The following ADGRG6 variants were observed in gnomAD, a reference collection of about 807,000 sequenced individuals.
ADGRG6 encodes the protein adhesion G protein-coupled receptor G6, also known as G-protein coupled receptor 126.
ADGRG6 carries 84 observed loss-of-function variants against 142.4 expected under a neutral mutation model. The observed-to-expected ratio is 0.59, with a 90% CI of 0.49 to 0.71. The LOEUF is 0.71. Among genes scored for constraint, ADGRG6 ranks in the 30% least tolerant of loss-of-function variants. The pLI is 0.00. For missense variants in ADGRG6, 1,367 were observed against 1,466.6 expected (o/e 0.93, Z 1.11); for synonymous variants, 521 against 520.5 (o/e 1.00, Z -0.01).
chr6:142,401,752 G>A (rs1252196754), intron 11 of ADGRG6, among the ~76,000 whole-genome samples: 1 of 152,000 alleles, frequency 6.6e-6, no homozygotes, highest in Non-Finnish European at 1.5e-5. Flanking sequence ...GAGAATTTGG[G>A]AACATTGTAT....
intron 11 of ADGRG6, 47 bp downstream of exon 11, chr6:142,400,643 C>G: frequency 1.1e-6 from 1 of 951,830 alleles, no homozygotes; most frequent in Non-Finnish European, 1.7e-6. Flanking sequence ...TGTTATCAGC[C>G]TTCCCAGGGT....
At chr6:142,357,127 T>G (rs1324537058) in intron 2 of ADGRG6, among the ~76,000 whole-genome samples, 5 of 152,186 alleles carry the variant, frequency 3.3e-5, no homozygotes, top group African/African-American at 1.2e-4. Context: ...TAAAATATCT[T>G]TTTTTAGCTA....
intron 2 of ADGRG6, among the ~76,000 whole-genome samples, chr6:142,338,903 C>T (rs1209338636): frequency 6.6e-6 from 1 of 152,154 alleles, no homozygotes; most frequent in Non-Finnish European, 1.5e-5. Flanking sequence ...ACTTTTCTTT[C>T]AATAGCTAAC....
chr6:142,347,416 G>A (rs1779959623), intron 2 of ADGRG6, among the ~76,000 whole-genome samples: 1 of 152,138 alleles, frequency 6.6e-6, no homozygotes. Context: ...ATATTTCAGA[G>A]GAACCGGAAG....
At chr6:142,380,519 A>G (rs956200087) in intron 4 of ADGRG6, among the ~76,000 whole-genome samples, 1 of 152,162 alleles carries the variant, frequency 6.6e-6, no homozygotes, top group Non-Finnish European at 1.5e-5. Context: ...TTGTTTGTGT[A>G]TCTGATCATC....
intron 2 of ADGRG6, among the ~76,000 whole-genome samples, chr6:142,334,898 G>A (rs1779239608): frequency 6.6e-6 from 1 of 152,044 alleles, no homozygotes; most frequent in Non-Finnish European, 1.5e-5. Context: ...TATGTTAGAG[G>A]GAAATAAACA....
At chr6:142,440,903 T>C in intron 24 of ADGRG6, 1 of 1,414,674 alleles carries the variant, frequency 7.1e-7, no homozygotes, top group Non-Finnish European at 9.6e-7. Context: ...ATGTTTATGG[T>C]ATAGATAATG....
chr6:142,402,909 T>C, intron 13 of ADGRG6, 79 bp downstream of exon 13: 6 of 737,840 alleles, frequency 8.1e-6, no homozygotes, highest in South Asian at 2.0e-5. Context: ...CTGAATACTT[T>C]GTGCCCAGAT....
At chr6:142,331,602 T>C (rs758449093) in intron 2 of ADGRG6, among the ~76,000 whole-genome samples, 61 of 152,338 alleles carry the variant, frequency 4.0e-4, no homozygotes, top group Non-Finnish European at 7.5e-4. Context: ...AGTCCTGAAA[T>C]GCAGTGTTAT....
At position 142,348,464 on chromosome 6, in the gene ADGRG6, C is replaced by T. The variant is rs958504584; in HGVS notation, c.104-19105C>T. 2.0e-4 allele frequency among the ~76,000 whole-genome samples: 31 copies of T among 152,046 alleles called. 3 individuals carry two copies. The highest frequency in any genetic ancestry group is 1.0e-3 in the South Asian group (5 of 4,828). The stretch of plus-strand genomic sequence containing the variant: ...AACAAAAATTTTGTTTTCTAATTCC[C>T]TACATTATTAAAAAGTATCCCTCCT... On this transcript the variant is annotated intron_variant, in intron 2 of 24. Transcript: ENST00000367609.
Position 142,423,613 on chromosome 6 carries a change from A to C in ADGRG6, c.3319+3509A>C, listed in dbSNP as rs879485458. 9.7e-3 allele frequency among the ~76,000 whole-genome samples: 1,396 copies of C among 143,184 alleles called. 9 individuals are homozygous for C. The highest frequency in any genetic ancestry group is 0.016 in the Non-Finnish European group (1,046 of 65,208). The allele number at this position is 143,184 out of a possible 152,430, so 93.9% of individuals were successfully genotyped here. A position where few individuals can be genotyped will look rare whatever the true frequency, so the allele number is the denominator to read the frequency against. The stretch of plus-strand genomic sequence containing the variant: ...TGAAGTCAGGTAGTGTGATGCCTCC[A>C]GCTTTGTTCTTTTGGCTTAGGATTG... On this transcript the variant is annotated intron_variant, in intron 22 of 24. Transcript: ENST00000367609.
chr6:142,410,215 CT>C (rs1447341642), intron 17 of ADGRG6, among the ~76,000 whole-genome samples: 1 of 152,058 alleles, frequency 6.6e-6, no homozygotes, highest in African/African-American at 2.4e-5. Flanking sequence ...AATTTTATTG[CT>C]ACTTTTGATG....
At position 142,369,732 on chromosome 6, in the gene ADGRG6, C is replaced by T. The variant is rs115110315; in HGVS notation, c.446-438C>T. On this transcript the variant is annotated intron_variant, in intron 3 of 24. Transcript: ENST00000367609. ...ATGTTTGGAAAGAGTGAAAAGTAATCATTAATGAAAATAAGAACTATTATT... is the reference window on the plus strand; with the variant it reads ...ATGTTTGGAAAGAGTGAAAAGTAATTATTAATGAAAATAAGAACTATTATT... 4.7e-3 allele frequency among the ~76,000 whole-genome samples: 716 copies of T among 152,196 alleles called. 11 individuals are homozygous for T. Among genetic ancestry groups the T allele is most frequent in the African/African-American group, 0.017 (696 of 41,526 alleles).
At chr6:142,381,270 A>G (rs1781758825) in intron 4 of ADGRG6, among the ~76,000 whole-genome samples, 1 of 152,136 alleles carries the variant, frequency 6.6e-6, no homozygotes, top group African/African-American at 2.4e-5. Context: ...ACACACATAT[A>G]CATATATATT....
At position 142,443,295 on chromosome 6, in the gene ADGRG6, C is replaced by T. The variant is rs772638765; in HGVS notation, c.3575-42C>T. ...AATATGGTGGCCTGTAGGCATGCCA[C>T]CAGCTCATCTTGAACCTAATTTCTT... On this transcript the variant is annotated intron_variant, in intron 24 of 24. Transcript: ENST00000367609. 7 of 1,446,124 alleles carry T rather than the reference C, an allele frequency of 4.8e-6. No homozygotes were observed. In the South Asian group the frequency reaches 7.2e-5, roughly 15 times the overall value. 89.6% of individuals were successfully genotyped at this position (1,446,124 alleles called of 1,614,324 possible).
intron 2 of ADGRG6, among the ~76,000 whole-genome samples, chr6:142,312,642 A>G (rs1236342919): frequency 6.6e-6 from 1 of 152,110 alleles, no homozygotes; most frequent in Non-Finnish European, 1.5e-5. Flanking sequence ...TGGGAGAGTA[A>G]TTAGGTAACA....
In ADGRG6 at chr6:142,438,313, T is replaced by A; in HGVS notation, c.3523T>A (p.Ser1175Thr). The A allele has an allele frequency of 6.2e-7, 1 of 1,609,792 alleles. No individual in the cohort carries two copies. Residue 1175 changes from serine to threonine, a missense_variant, in exon 24 of 25, where the codon TCC becomes ACC. Ser to Thr is a moderately conservative substitution (Grantham distance 58). Coordinates refer to ENST00000367609, the MANE Select transcript of ADGRG6 (RefSeq NM_198569.3). ...SIGSNSTYLT[S>T]KSKSSSTTYF... ...TGGTTCCAACTCAACCTATCTTACATCCAAATCTAAATCCAGCTCTACCAC... is the reference window on the plus strand; with the variant it reads ...TGGTTCCAACTCAACCTATCTTACAACCAAATCTAAATCCAGCTCTACCAC...
chr6:142,439,047 A>T (rs575292892), intron 24 of ADGRG6, among the ~76,000 whole-genome samples: 1 of 152,282 alleles, frequency 6.6e-6, no homozygotes, highest in East Asian at 1.9e-4. Flanking sequence ...GCTGCTCTGG[A>T]GGCTGAGATG....
chr6:142,441,498 G>C (rs1202181213), intron 24 of ADGRG6, among the ~76,000 whole-genome samples: 1 of 152,118 alleles, frequency 6.6e-6, no homozygotes, highest in Non-Finnish European at 1.5e-5. Flanking sequence ...TATCTAACCA[G>C]AAGACTGGGA....
Sources: gnomAD v4.1 joint callset for allele counts (sites outside exome capture counted in the v4.1 genomes callset) on GRCh38, gnomAD v4.1.1 for gene constraint, MANE v1.5 for transcripts, NCBI Gene and HGNC (gene_info 2026-07-23, HGNC 2026-07-21) for gene names.